Variants in TPRG1 observed in about 807,000 individuals in gnomAD.
TPRG1 encodes the protein tumor protein p63-regulated gene 1 protein.
TPRG1 carries 29 observed loss-of-function variants against 29.3 expected under a neutral mutation model. The ratio of observed to expected loss-of-function variants is 0.99; its 90% confidence interval spans 0.74 to 1.35. TPRG1 has a LOEUF of 1.35. Ranked by LOEUF, TPRG1 falls within the 40% of genes most tolerant of loss-of-function variation. The pLI is 0.00. For missense variants in TPRG1, 327 were observed against 335.0 expected (o/e 0.98, Z 0.19); for synonymous variants, 130 against 116.8 (o/e 1.11, Z -0.73).
intron 4 of TPRG1, among the ~76,000 whole-genome samples, chr3:189,284,321 A>G (rs1327849656): frequency 6.7e-6 from 1 of 150,306 alleles, no homozygotes. Flanking sequence ...ATTTAACATT[A>G]GGTATATCTC....
intron 1 of TPRG1, among the ~76,000 whole-genome samples, chr3:189,204,951 A>C (rs1450119): frequency 0.03 from 4,411 of 146,686 alleles, 83 homozygotes; most frequent in Non-Finnish European, 0.046. Context: ...TCTCTCTCAC[A>C]CACACACACA....
chr3:189,000,053 C>T (rs960638506), intron 1 of TPRG1, among the ~76,000 whole-genome samples: 16 of 152,072 alleles, frequency 1.1e-4, no homozygotes, highest in Admixed American at 3.3e-4. Flanking sequence ...AAGAAAATAA[C>T]ACATTTACAA....
At chr3:189,060,327 G>A (rs746202725) in intron 4 of TPRG1, among the ~76,000 whole-genome samples, 8 of 152,172 alleles carry the variant, frequency 5.3e-5, no homozygotes, top group Non-Finnish European at 1.2e-4. Context: ...CAAAGCCACA[G>A]CCAACATCAT....
At chr3:189,000,414 T>G (rs1711967285) in intron 1 of TPRG1, among the ~76,000 whole-genome samples, 1 of 152,164 alleles carries the variant, frequency 6.6e-6, no homozygotes, top group African/African-American at 2.4e-5. Flanking sequence ...TCTAGGTTTT[T>G]ATTTTTCAAA....
At chr3:189,061,753 G>C (rs1037905362) in intron 4 of TPRG1, among the ~76,000 whole-genome samples, 4 of 152,208 alleles carry the variant, frequency 2.6e-5, no homozygotes, top group Admixed American at 6.5e-5. Context: ...TCTCATGCCA[G>C]TCAGACTGGC....
At chr3:189,029,398 A>G (rs1051669086) in intron 4 of TPRG1, among the ~76,000 whole-genome samples, 6 of 152,216 alleles carry the variant, frequency 3.9e-5, no homozygotes, top group African/African-American at 1.4e-4. Flanking sequence ...ATTAACATCA[A>G]TAGAGATGAA....
At chr3:189,085,187 A>C (rs1560434862) in intron 4 of TPRG1, among the ~76,000 whole-genome samples, 2 of 152,190 alleles carry the variant, frequency 1.3e-5, no homozygotes, top group Non-Finnish European at 1.5e-5. Context: ...CTCTGTTACC[A>C]AGTGGGGCAT....
chr3:189,052,025 A>G (rs1005213717), intron 4 of TPRG1, among the ~76,000 whole-genome samples: 1 of 152,230 alleles, frequency 6.6e-6, no homozygotes, highest in Non-Finnish European at 1.5e-5. Flanking sequence ...TCTTCTAGAC[A>G]TTGCTTTAGG....
At chr3:189,037,429 ATG>A (rs1365762981) in intron 4 of TPRG1, among the ~76,000 whole-genome samples, 1 of 152,004 alleles carries the variant, frequency 6.6e-6, no homozygotes, top group Non-Finnish European at 1.5e-5. Context: ...ATTAAATAAA[ATG>A]TAATTTCTGT....
At chr3:189,189,401 T>A (rs556888884) in intron 1 of TPRG1, among the ~76,000 whole-genome samples, 3 of 152,256 alleles carry the variant, frequency 2.0e-5, no homozygotes, top group African/African-American at 7.2e-5. Flanking sequence ...TATATAATAT[T>A]CTACCTAAAC....
chr3:189,272,695 C>CTTTCTTTCTT (rs770742123), intron 4 of TPRG1, among the ~76,000 whole-genome samples: 48 of 137,912 alleles, frequency 3.5e-4, no homozygotes, highest in African/African-American at 1.4e-3. Context: ...TTCTTTCTTT[C>CTTTCTTTCTT]TCTTTCTTTC....
chr3:189,070,762 A>G (rs777555228), intron 4 of TPRG1, among the ~76,000 whole-genome samples: 1 of 152,126 alleles, frequency 6.6e-6, no homozygotes, highest in Admixed American at 6.6e-5. Flanking sequence ...TGAAAAGGAG[A>G]TATTCCAACC....
At chr3:189,147,108 G>A (rs1445528337) in intron 3 of TPRG1, among the ~76,000 whole-genome samples, 3 of 152,138 alleles carry the variant, frequency 2.0e-5, no homozygotes, top group South Asian at 4.1e-4. Flanking sequence ...TTTGAACCCC[G>A]GTCTGTTTGA....
chr3:189,146,594 GATCC>G (rs1725294735), intron 3 of TPRG1, among the ~76,000 whole-genome samples: 1 of 152,124 alleles, frequency 6.6e-6, no homozygotes. Context: ...TTAGAGCACT[GATCC>G]CCCATATTAT....
chr3:189,041,636 C>CTT (rs1030502510), intron 4 of TPRG1, among the ~76,000 whole-genome samples: 27 of 152,302 alleles, frequency 1.8e-4, no homozygotes, highest in African/African-American at 5.8e-4. Context: ...AGTCTTAGCC[C>CTT]TTTACTCAGA....
At chr3:189,055,077 T>C (rs905787252) in intron 4 of TPRG1, among the ~76,000 whole-genome samples, 1 of 152,220 alleles carries the variant, frequency 6.6e-6, no homozygotes, top group Non-Finnish European at 1.5e-5. Context: ...TGCTACCTAG[T>C]ATTTAGTTGT....
At chr3:189,020,481 G>A (rs1269302365) in intron 3 of TPRG1, among the ~76,000 whole-genome samples, 2 of 149,834 alleles carry the variant, frequency 1.3e-5, no homozygotes, top group East Asian at 2.0e-4. Context: ...CCTTCATTTC[G>A]TTATGTACCC....
chr3:189,162,085 C>T (rs537242882), intron 5 of TPRG1, among the ~76,000 whole-genome samples: 2 of 152,206 alleles, frequency 1.3e-5, no homozygotes, highest in South Asian at 2.1e-4. Flanking sequence ...CTCTGCTGCC[C>T]GGGTTCAGGT....
chr3:189,196,430 A>C (rs552060876), intron 1 of TPRG1, among the ~76,000 whole-genome samples: 3 of 152,320 alleles, frequency 2.0e-5, no homozygotes, highest in Admixed American at 2.0e-4. Context: ...AGAGAGGTTT[A>C]ATTGACTCAC....
Sources: gnomAD v4.1 joint callset for allele counts (sites outside exome capture counted in the v4.1 genomes callset) on GRCh38, gnomAD v4.1.1 for gene constraint, MANE v1.5 for transcripts, NCBI Gene and HGNC (gene_info 2026-07-23, HGNC 2026-07-21) for gene names.